Variants in ADK observed in about 807,000 individuals in gnomAD.
ADK encodes adenosine kinase, also known as N6,N6-dimethyladenosine kinase.
ADK carries 24 observed loss-of-function variants against 44.7 expected under a neutral mutation model. The ratio of observed to expected loss-of-function variants is 0.54; its 90% CI spans 0.39 to 0.76. The LOEUF is 0.76. Among genes scored for constraint, ADK ranks in the 30% least tolerant of loss-of-function variants. The pLI, the probability that ADK is intolerant of heterozygous loss-of-function variation, is 0.00. For synonymous variants in ADK, 128 were observed against 142.6 expected (o/e 0.90, Z 0.73); for missense variants, 321 against 425.1 (o/e 0.76, Z 2.15).
At chr10:74,157,173 G>A (rs1202100822) in intron 1 of ADK, among the ~76,000 whole-genome samples, 1 of 152,158 alleles carries the variant, frequency 6.6e-6, no homozygotes, top group Non-Finnish European at 1.5e-5. Flanking sequence ...GCTAGTACAA[G>A]AGCACCAAGC....
chr10:74,549,171 A>G (rs1399858632), intron 7 of ADK, among the ~76,000 whole-genome samples: 1 of 152,220 alleles, frequency 6.6e-6, no homozygotes, highest in Non-Finnish European at 1.5e-5. Flanking sequence ...ATTTATAAAT[A>G]TGAGTACTGT....
At chr10:74,203,926 AG>A (rs1268126767) in intron 2 of ADK, among the ~76,000 whole-genome samples, 1 of 151,020 alleles carries the variant, frequency 6.6e-6, no homozygotes. Context: ...TTATGAAGAC[AG>A]AATGTCTTTC....
intron 6 of ADK, among the ~76,000 whole-genome samples, chr10:74,479,654 G>C (rs1192122624): frequency 1.3e-5 from 2 of 151,254 alleles, no homozygotes; most frequent in Admixed American, 1.3e-4. Flanking sequence ...TTTTTATTCT[G>C]GCATTTTGGA....
At chr10:74,581,842 A>G (rs572857889) in intron 7 of ADK, among the ~76,000 whole-genome samples, 1 of 152,328 alleles carries the variant, frequency 6.6e-6, no homozygotes, top group African/African-American at 2.4e-5. Flanking sequence ...TTTCAAAAAC[A>G]AAAGCAGAAT....
chr10:74,457,297 G>C (rs970021853), intron 6 of ADK, among the ~76,000 whole-genome samples: 3 of 152,116 alleles, frequency 2.0e-5, no homozygotes, highest in East Asian at 1.9e-4. Flanking sequence ...GTGAATCCCT[G>C]AATAGACCAA....
intron 3 of ADK, among the ~76,000 whole-genome samples, chr10:74,284,195 G>T (rs1847063749): frequency 6.8e-6 from 1 of 147,338 alleles, no homozygotes. Context: ...CCCGAACTCA[G>T]GTGATCCGCC....
At chr10:74,533,793 A>G (rs1849368057) in intron 7 of ADK, among the ~76,000 whole-genome samples, 1 of 151,982 alleles carries the variant, frequency 6.6e-6, no homozygotes, top group South Asian at 2.1e-4. Context: ...CCCAGGACAG[A>G]TGAAAGCATC....
At chr10:74,695,161 T>A (rs1210683833) in intron 10 of ADK, among the ~76,000 whole-genome samples, 3 of 152,200 alleles carry the variant, frequency 2.0e-5, no homozygotes, top group Non-Finnish European at 4.4e-5. Flanking sequence ...AAGTATTTAA[T>A]CTGGTAAGAC....
intron 9 of ADK, among the ~76,000 whole-genome samples, chr10:74,660,329 G>A (rs1439861369): frequency 2.0e-5 from 3 of 151,948 alleles, no homozygotes; most frequent in South Asian, 2.1e-4. Flanking sequence ...ATGGAGTTTC[G>A]CCATGCTACC....
intron 3 of ADK, among the ~76,000 whole-genome samples, chr10:74,287,167 T>C (rs4746194): frequency 0.013 from 2,034 of 152,152 alleles, 46 homozygotes; most frequent in African/African-American, 0.047. Context: ...ATATGATCGC[T>C]CAAGATAAAT....
At chr10:74,436,570 C>CA (rs1845185580) in intron 6 of ADK, among the ~76,000 whole-genome samples, 1 of 150,934 alleles carries the variant, frequency 6.6e-6, no homozygotes, top group African/African-American at 2.4e-5. Flanking sequence ...GAGAAAATAA[C>CA]AAAAAATTCT....
At chr10:74,284,376 T>C (rs1477558309) in intron 3 of ADK, among the ~76,000 whole-genome samples, 1 of 151,854 alleles carries the variant, frequency 6.6e-6, no homozygotes, top group African/African-American at 2.4e-5. Context: ...GTGAGTCTCC[T>C]GCCTCAGCCT....
chr10:74,635,784 A>G (rs1373267873), intron 9 of ADK, among the ~76,000 whole-genome samples: 1 of 152,076 alleles, frequency 6.6e-6, no homozygotes, highest in East Asian at 1.9e-4. Flanking sequence ...TCATACCTCA[A>G]TTAAAAGCCC....
chr10:74,403,412 G>C (rs1489957899), intron 6 of ADK, among the ~76,000 whole-genome samples: 1 of 152,088 alleles, frequency 6.6e-6, no homozygotes, highest in Non-Finnish European at 1.5e-5. Context: ...CTTCCTGGCC[G>C]CTTTGTTTAC....
At chr10:74,356,264 C>T (rs1049852898) in intron 4 of ADK, among the ~76,000 whole-genome samples, 7 of 150,812 alleles carry the variant, frequency 4.6e-5, no homozygotes, top group Admixed American at 6.6e-5. Context: ...ATGATCCACC[C>T]GCCTCGGCCT....
At chr10:74,538,510 G>A (rs1849529314) in intron 7 of ADK, among the ~76,000 whole-genome samples, 1 of 152,144 alleles carries the variant, frequency 6.6e-6, no homozygotes, top group African/African-American at 2.4e-5. Context: ...AGTTTGTTGT[G>A]GTTGTTTTTT....
chr10:74,176,978 G>T, intron 1 of ADK: 1 of 1,549,588 alleles, frequency 6.5e-7, no homozygotes, highest in South Asian at 1.2e-5. Flanking sequence ...GGGTGGTCTG[G>T]AGCCTGCCTC....
chr10:74,679,251 C>T (rs10762637), intron 10 of ADK, among the ~76,000 whole-genome samples: 103,182 of 152,054 alleles, frequency 0.68, 35,350 homozygotes, highest in Middle Eastern at 0.79. Context: ...TCGACTGGTA[C>T]CAGTCTATGA....
chr10:74,177,513 T>C (rs923302735), intron 1 of ADK, among the ~76,000 whole-genome samples: 1 of 152,124 alleles, frequency 6.6e-6, no homozygotes, highest in African/African-American at 2.4e-5. Context: ...TTTCCCCCAA[T>C]TGCTCTTCCA....
Sources: gnomAD v4.1 joint callset for allele counts (sites outside exome capture counted in the v4.1 genomes callset) on GRCh38, gnomAD v4.1.1 for gene constraint, MANE v1.5 for transcripts, NCBI Gene and HGNC (gene_info 2026-07-23, HGNC 2026-07-21) for gene names.